ALOX15B: variants seen among roughly 807,000 people sequenced by gnomAD.
ALOX15B encodes polyunsaturated fatty acid lipoxygenase ALOX15B.
A neutral mutation model predicts 73.8 loss-of-function variants in ALOX15B; 74 were observed. That is an observed-to-expected ratio of 1.00 (90% CI 0.83 to 1.22). The LOEUF (loss-of-function observed/expected upper bound fraction) is 1.22. Among genes scored for constraint, ALOX15B ranks in the 50% most tolerant of loss-of-function variants. The pLI, the probability that ALOX15B is intolerant of heterozygous loss-of-function variation, is 0.00. For missense variants in ALOX15B, 896 were observed against 859.9 expected, an observed-to-expected ratio of 1.04 and a Z score of -0.52; for synonymous variants, 353 against 357.2, an observed-to-expected ratio of 0.99 and a Z score of 0.13.
At position 8,047,673 on chromosome 17, in the gene ALOX15B, A is replaced by G; in HGVS notation, c.1680+9A>G. Reference sequence around the variant, plus strand: ...CTGTCAGTGCAGGGCAGGTGAGGAAAGGCCAGCGCCCGAGGTGGCAGGCTG... The same window carrying G: ...CTGTCAGTGCAGGGCAGGTGAGGAAGGGCCAGCGCCCGAGGTGGCAGGCTG... On this transcript the variant is annotated intron_variant, in intron 12 of 13. Transcript: ENST00000380183. 6.2e-7 allele frequency: 1 copy of G among 1,612,970 alleles called. No homozygotes were observed. Among genetic ancestry groups the G allele is most frequent in the Non-Finnish European group, 8.5e-7 (1 of 1,179,440 alleles).
chr17:8,040,164 T>G (rs1219962480), intron 3 of ALOX15B, among the ~76,000 whole-genome samples, 181 bp downstream of exon 3: 1 of 152,198 alleles, frequency 6.6e-6, no homozygotes, highest in African/African-American at 2.4e-5. Context: ...ACCTCCAACC[T>G]ACTACGACAC....
chr17:8,040,030 G>C (rs1428527345), intron 3 of ALOX15B, 47 bp downstream of exon 3: 2 of 1,576,046 alleles, frequency 1.3e-6, no homozygotes, highest in Admixed American at 1.7e-5. Flanking sequence ...AAACGATGAG[G>C]GGCAGCTTGA....
chr17:8,040,414 G>C (rs1046275309), intron 3 of ALOX15B, among the ~76,000 whole-genome samples: 2 of 151,594 alleles, frequency 1.3e-5, no homozygotes, highest in Non-Finnish European at 2.9e-5. Context: ...GTAGGGTGGC[G>C]GGCACCTGTA....
chr17:8,047,644 G>A lies in ALOX15B; in HGVS notation c.1660G>A (p.Ala554Thr), dbSNP rs776023301. The A allele has an allele frequency of 1.9e-5, 30 of 1,611,808 alleles. No individual in the cohort carries two copies. The South Asian group carries it at 3.2e-4, about 17-fold the overall frequency. The change falls in exon 12 of 14, where the codon GCG becomes ACG. Residue 554 changes from alanine to threonine, a missense_variant. Transcript: ENST00000380183. Reference protein sequence around the residue: ...MVIFTCSAKHAAVSAGQFDSC... With the variant: ...MVIFTCSAKHTAVSAGQFDSC... ...GATATTCACCTGCTCCGCCAAGCAT[G>A]CGGCTGTCAGTGCAGGGCAGGTGAG...
In ALOX15B at chr17:8,046,664, G is replaced by A; in HGVS notation, c.1201-4G>A. Reference sequence around the variant, plus strand: ...CCTAGCTCTGCCATTTTCCTGCCATGCAGCTGCTGATCCCGCACACCCGAT... The same window carrying A: ...CCTAGCTCTGCCATTTTCCTGCCATACAGCTGCTGATCCCGCACACCCGAT... On this transcript the variant is annotated splice_polypyrimidine_tract_variant and splice_region_variant and intron_variant, in intron 8 of 13. Transcript: ENST00000380183. 6.2e-7 allele frequency: 1 copy of A among 1,613,088 alleles called. No individual in the cohort carries two copies. Among genetic ancestry groups the A allele is most frequent in the Non-Finnish European group, 8.5e-7 (1 of 1,179,632 alleles).
chr17:8,040,562 G>T (rs1259792325), intron 3 of ALOX15B, among the ~76,000 whole-genome samples: 1 of 110,032 alleles, frequency 9.1e-6, no homozygotes, highest in Non-Finnish European at 1.9e-5. Flanking sequence ...AAAAAAAAAA[G>T]GAAGGAAGGA....
chr17:8,048,642 A>G lies in ALOX15B; in HGVS notation c.*77A>G. ...GGATAACTGGCACCCAGAGAAAAGG[A>G]CTCCTCAGAAAAAACAGGCCCCCAT... On this transcript the variant is annotated 3_prime_UTR_variant, in exon 14 of 14. Coordinates refer to ENST00000380183, the MANE Select transcript of ALOX15B (RefSeq NM_001141.3). The G allele has an allele frequency of 6.7e-7, 1 of 1,501,934 alleles. No homozygotes were observed. The allele number at this position is 1,501,934 out of a possible 1,614,324, so 93.0% of individuals were successfully genotyped here.
In ALOX15B at chr17:8,046,938, A is replaced by G. The variant is rs1460307047; in HGVS notation, c.1319A>G (p.Glu440Gly). ...GGCATCGGCATTGAAGGCTTCTCTG[A>G]GTTGATACAGAGGAACATGAAGCAG... is the stretch of plus-strand genomic sequence containing the variant. The part of the protein sequence containing the change: ...STGIGIEGFS[E>G]LIQRNMKQLN... Residue 440 changes from glutamate to glycine, a missense_variant, in exon 10 of 14, where the codon GAG becomes GGG. Coordinates refer to ENST00000380183, the MANE Select transcript of ALOX15B (RefSeq NM_001141.3). 2 of 1,614,190 alleles carry G rather than the reference A, an allele frequency of 1.2e-6. No individual in the cohort carries two copies. Among genetic ancestry groups the G allele is most frequent in the South Asian group, 1.1e-5 (1 of 91,084 alleles).
Position 8,047,542 on chromosome 17 carries a change from C to T in ALOX15B, c.1580-22C>T, listed in dbSNP as rs141690690. On this transcript the variant is annotated intron_variant, in intron 11 of 13. Coordinates refer to ENST00000380183, the MANE Select transcript of ALOX15B (RefSeq NM_001141.3). ...GTCCTCAGGTCCCTGGAAGCCCCAT[C>T]CCAGCCCAGCTCTCCTTGCAGGTAT... The T allele has an allele frequency of 2.2e-4, 351 of 1,582,572 alleles. 5 individuals carry two copies. The African/African-American group carries it at 4.2e-3, about 19-fold the overall frequency.
At position 8,039,098 on chromosome 17, in the gene ALOX15B, G is replaced by T. The variant is rs533198158; in HGVS notation, c.-58G>T. ...GGGGCAATAACCAGGCGTGTCCCAGGGGGGAGCCCCGCTCTGCAGCCCTGT... is the reference window on the plus strand; with the variant it reads ...GGGGCAATAACCAGGCGTGTCCCAGTGGGGAGCCCCGCTCTGCAGCCCTGT... On this transcript the variant is annotated 5_prime_UTR_variant, in exon 1 of 14. Coordinates refer to ENST00000380183, the MANE Select transcript of ALOX15B (RefSeq NM_001141.3). 20 of 1,573,790 alleles carry T rather than the reference G, an allele frequency of 1.3e-5. No homozygotes were observed. The highest frequency in any genetic ancestry group is 1.7e-4 in the Middle Eastern group (1 of 5,800).
rs766332805 is a variant in ALOX15B, at chr17:8,045,280, A to G, written c.892A>G (p.Ile298Val). 2 of 1,613,952 alleles carry G rather than the reference A, an allele frequency of 1.2e-6. No individual in the cohort carries two copies. Among genetic ancestry groups the G allele is most frequent in the East Asian group, 2.2e-5 (1 of 44,890 alleles). The change falls in exon 7 of 14, where the codon ATC becomes GTC. Residue 298 changes from isoleucine to valine, a missense_variant. Ile to Val is a conservative substitution (Grantham distance 29, BLOSUM62 3). Coordinates refer to ENST00000380183, the MANE Select transcript of ALOX15B (RefSeq NM_001141.3). The stretch of plus-strand genomic sequence containing the variant: ...GGTGGATCACGGCATCCTCTCTGGC[A>G]TCCAGACCAATGTCATTAATGGGAA... ...FLVDHGILSG[I>V]QTNVINGKPQ...
chr17:8,042,751 C>A (rs962614879), intron 4 of ALOX15B, 30 bp from the exon 5 acceptor site: 1 of 1,537,182 alleles, frequency 6.5e-7, no homozygotes, highest in African/African-American at 1.4e-5. Context: ...GGCCTCCTCC[C>A]CACTCCCCAC....
chr17:8,047,372 G>A lies in ALOX15B; in HGVS notation c.1572G>A (p.Glu524=), dbSNP rs763329429. 3 of 1,613,964 alleles carry A rather than the reference G, an allele frequency of 1.9e-6. No homozygotes were observed. The highest frequency in any genetic ancestry group is 2.5e-6 in the Non-Finnish European group (3 of 1,179,970). The change falls in exon 11 of 14, where the codon GAG becomes GAA. Residue 524 remains glutamate, a synonymous_variant. Coordinates refer to ENST00000380183, the MANE Select transcript of ALOX15B (RefSeq NM_001141.3). ...EIFSKGFLNQ[E]SSGIPSSLET... is the part of the protein sequence containing the mutation. ...TCTCCAAGGGCTTCCTAAACCAGGA[G>A]AGCTCAGGTACAGGGACCTCAGCCC...
At chr17:8,045,770 A>G (rs1289654784) in intron 8 of ALOX15B, 84 bp downstream of exon 8, 31 of 1,455,468 alleles carry the variant, frequency 2.1e-5, no homozygotes, top group Non-Finnish European at 2.7e-5. Context: ...GGCCCTATCC[A>G]TGCAAGCTGG....
Position 8,047,637 on chromosome 17 carries a change from CA to C in ALOX15B, c.1655del (p.Lys552SerfsTer40). ...CCATGGTGATATTCACCTGCTCCGC[CA>C]AGCATGCGGCTGTCAGTGCAGGGCA... ...VTMVIFTCSAKHAAVSAGQFD... is the reference protein window; with the variant it reads ...VTMVIFTCSAXHAAVSAGQFD... On this transcript the variant is annotated frameshift_variant, in exon 12 of 14. Transcript: ENST00000380183. LOFTEE classifies it high-confidence loss of function. 6.2e-7 allele frequency: 1 copy of C among 1,611,720 alleles called. No individual in the cohort carries two copies. Among genetic ancestry groups the C allele is most frequent in the Non-Finnish European group, 8.5e-7 (1 of 1,178,896 alleles).
At position 8,045,306 on chromosome 17, in the gene ALOX15B, G is replaced by A; in HGVS notation, c.918G>A (p.Lys306=). 6.2e-7 allele frequency: 1 copy of A among 1,614,198 alleles called. No homozygotes were observed. The highest frequency in any genetic ancestry group is 1.1e-5 in the South Asian group (1 of 91,082). Residue 306 remains lysine (K), a synonymous_variant, in exon 7 of 14, where the codon AAG becomes AAA. Transcript: ENST00000380183. The stretch of plus-strand genomic sequence containing the variant: ...TCCAGACCAATGTCATTAATGGGAA[G>A]CCTCAGTTCTCTGCGGCCCCAATGA... ...SGIQTNVING[K]PQFSAAPMTL... is the part of the protein sequence containing the mutation.
At chr17:8,040,180 G>A (rs556831976) in intron 3 of ALOX15B, among the ~76,000 whole-genome samples, 197 bp downstream of exon 3, 26 of 152,286 alleles carry the variant, frequency 1.7e-4, no homozygotes, top group Non-Finnish European at 3.2e-4. Flanking sequence ...GACACTGAGG[G>A]TGTAGAGTGG....
intron 5 of ALOX15B, 57 bp from the exon 6 acceptor site, chr17:8,044,772 C>A: frequency 2.5e-6 from 3 of 1,222,676 alleles, no homozygotes; most frequent in Non-Finnish European, 1.1e-6. Flanking sequence ...GTGTCCCCCA[C>A]CCCCTGCAAA....
chr17:8,046,122 T>C (rs1008179145), intron 8 of ALOX15B, among the ~76,000 whole-genome samples: 9 of 152,280 alleles, frequency 5.9e-5, no homozygotes, highest in African/African-American at 2.2e-4. Flanking sequence ...ATTCGAGGCA[T>C]CTCCTCTGTG....
Sources: allele counts gnomAD v4.1 joint callset (sites outside exome capture counted in the v4.1 genomes callset), GRCh38; gene constraint gnomAD v4.1.1; transcripts MANE v1.5; gene names NCBI Gene and HGNC (gene_info 2026-07-23, HGNC 2026-07-21).